Variants in CCSER1 observed in about 807,000 individuals in gnomAD.
CCSER1 encodes the protein serine-rich coiled-coil domain-containing protein 1.
In CCSER1, 41 loss-of-function variants were observed where a neutral mutation model predicts 82.0. That is an observed-to-expected ratio of 0.50 (90% CI 0.39 to 0.65). The LOEUF is 0.65. Ranked by LOEUF, CCSER1 falls within the 30% of genes least tolerant of loss-of-function variation. The pLI is 0.00. For missense variants in CCSER1, 1,119 were observed against 1,064.2 expected (o/e 1.05, Z -0.72); for synonymous variants, 414 against 383.9 (o/e 1.08, Z -0.92).
At chr4:90,466,892 T>C (rs533947943) in intron 4 of CCSER1, among the ~76,000 whole-genome samples, 2 of 152,304 alleles carry the variant, frequency 1.3e-5, no homozygotes, top group South Asian at 4.1e-4. Flanking sequence ...TTGTGCACTG[T>C]TTAAAAAAGT....
At chr4:91,110,113 T>C (rs1581574983) in intron 10 of CCSER1, among the ~76,000 whole-genome samples, 1 of 152,074 alleles carries the variant, frequency 6.6e-6, no homozygotes, top group Admixed American at 6.5e-5. Context: ...TGCCAAACCA[T>C]ATCATCAGTG....
intron 10 of CCSER1, among the ~76,000 whole-genome samples, chr4:91,218,533 C>G (rs1411181524): frequency 6.6e-6 from 1 of 152,206 alleles, no homozygotes; most frequent in African/African-American, 2.4e-5. Context: ...TGTCACCTCT[C>G]AGTATGACTA....
chr4:91,032,933 T>A (rs1741109366), intron 9 of CCSER1, among the ~76,000 whole-genome samples: 1 of 152,196 alleles, frequency 6.6e-6, no homozygotes, highest in East Asian at 1.9e-4. Flanking sequence ...AAGACTTCTT[T>A]GGTAGTTCCT....
In CCSER1 at chr4:90,628,150, A is replaced by G. The variant is rs1723672461; in HGVS notation, c.1850A>G (p.Asp617Gly). 6.2e-7 allele frequency: 1 copy of G among 1,613,746 alleles called. No individual in the cohort carries two copies. The highest frequency in any genetic ancestry group is 1.7e-5 in the Admixed American group (1 of 59,998). The change falls in exon 6 of 11, where the codon GAT (aspartate) becomes GGT (glycine). Residue 617 changes from aspartate (D) to glycine (G), a missense_variant. Physicochemically the swap from Asp to Gly is moderately conservative, Grantham distance 94. Transcript: ENST00000509176. ...LQGVEENGGI[D>G]SLPFRLMLQD... is the part of the protein sequence containing the mutation. ...GGTGTGGAAGAAAACGGAGGCATAG[A>G]TTCTCTGCCATTCAGACTGATGTTA...
intron 9 of CCSER1, among the ~76,000 whole-genome samples, chr4:90,978,549 G>A (rs1735815105): frequency 6.6e-6 from 1 of 151,464 alleles, no homozygotes; most frequent in African/African-American, 2.4e-5. Flanking sequence ...TTAGATTCAG[G>A]GAATGTGTTG....
chr4:91,242,464 C>T (rs1455098755), intron 10 of CCSER1, among the ~76,000 whole-genome samples: 1 of 152,162 alleles, frequency 6.6e-6, no homozygotes, highest in Non-Finnish European at 1.5e-5. Context: ...TAGTGTTCTG[C>T]ACAGACCTTA....
At chr4:91,470,826 G>A (rs550091257) in intron 10 of CCSER1, among the ~76,000 whole-genome samples, 152 of 152,232 alleles carry the variant, frequency 1.0e-3, no homozygotes, top group African/African-American at 3.6e-3. Flanking sequence ...ATAAGAACGT[G>A]TAATTCCCTC....
At chr4:90,533,104 T>G (rs1774811848) in intron 5 of CCSER1, among the ~76,000 whole-genome samples, 1 of 145,372 alleles carries the variant, frequency 6.9e-6, no homozygotes, top group Non-Finnish European at 1.5e-5. Context: ...TTTTTTTTTT[T>G]TTTTTGAGAC....
intron 10 of CCSER1, among the ~76,000 whole-genome samples, chr4:91,187,917 T>G (rs550450778): frequency 6.6e-6 from 1 of 152,186 alleles, no homozygotes; most frequent in Non-Finnish European, 1.5e-5. Flanking sequence ...AAGGAAAATT[T>G]TATGTAATAG....
At chr4:90,803,104 T>C (rs867617536) in intron 7 of CCSER1, among the ~76,000 whole-genome samples, 1 of 152,154 alleles carries the variant, frequency 6.6e-6, no homozygotes, top group African/African-American at 2.4e-5. Context: ...AAACTTGATG[T>C]GTTTGAGAAG....
intron 10 of CCSER1, among the ~76,000 whole-genome samples, chr4:91,362,766 C>A (rs756590683): frequency 1.6e-4 from 24 of 151,724 alleles, no homozygotes; most frequent in Middle Eastern, 3.2e-3. Context: ...TCTCTAAGAC[C>A]TAGCTCAAAT....
intron 6 of CCSER1, among the ~76,000 whole-genome samples, chr4:90,684,167 T>C (rs1274319806): frequency 6.6e-6 from 1 of 152,224 alleles, no homozygotes; most frequent in Non-Finnish European, 1.5e-5. Context: ...AATAACAGAT[T>C]GTGTCTATTT....
Position 90,815,919 on chromosome 4 carries a change from A to G in CCSER1, c.2094+74A>G, listed in dbSNP as rs138842502. ...TATTTGTTCCACGCCCTTATTTATTAACACCAATGGCATTAGTTATTTGTA... is the reference window on the plus strand; with the variant it reads ...TATTTGTTCCACGCCCTTATTTATTGACACCAATGGCATTAGTTATTTGTA... On this transcript the variant is annotated intron_variant, in intron 8 of 10. Coordinates refer to ENST00000509176, the MANE Select transcript of CCSER1 (RefSeq NM_001145065.2). 4.0e-4 allele frequency: 361 copies of G among 899,332 alleles called. 2 individuals are homozygous for G. The African/African-American group carries it at 5.3e-3, about 13-fold the overall frequency. The allele number at this position is 899,332 out of a possible 1,614,324, so 55.7% of individuals were successfully genotyped here.
intron 9 of CCSER1, among the ~76,000 whole-genome samples, chr4:91,074,481 T>C (rs900132587): frequency 1.6e-4 from 25 of 152,214 alleles, no homozygotes; most frequent in Admixed American, 1.4e-3. Flanking sequence ...ATAAATTATT[T>C]CAATTTTATA....
At chr4:90,314,355 T>C (rs1292470270) in intron 3 of CCSER1, among the ~76,000 whole-genome samples, 1 of 152,310 alleles carries the variant, frequency 6.6e-6, no homozygotes, top group Admixed American at 6.5e-5. Flanking sequence ...GGATTTCCAA[T>C]TGATGCACCA....
At chr4:90,585,302 T>A (rs1781874497) in intron 5 of CCSER1, among the ~76,000 whole-genome samples, 1 of 152,208 alleles carries the variant, frequency 6.6e-6, no homozygotes, top group Non-Finnish European at 1.5e-5. Context: ...CTTGGAAAAC[T>A]ATTGGAGTTC....
chr4:91,058,680 T>A lies in CCSER1; in HGVS notation c.2173-27270T>A, dbSNP rs551828641. ...CCACAGAAAGCACATTTTTATGTTA[T>A]CCTTTCTGGAACCCTCCTTGACTCA... On this transcript the variant is annotated intron_variant, in intron 9 of 10. Transcript: ENST00000509176. Among the ~76,000 whole-genome samples the A allele has an allele frequency of 3.2e-4, 48 of 152,232 alleles. 1 individual carries two copies. In the South Asian group the frequency reaches 9.5e-3, roughly 30 times the overall value.
chr4:90,441,467 C>T (rs574833736), intron 4 of CCSER1, among the ~76,000 whole-genome samples: 14 of 152,106 alleles, frequency 9.2e-5, no homozygotes, highest in African/African-American at 2.9e-4. Flanking sequence ...AGAACAATCT[C>T]TCTGGGGTCT....
intron 9 of CCSER1, among the ~76,000 whole-genome samples, chr4:90,978,725 A>G (rs1735833281): frequency 1.3e-5 from 2 of 151,694 alleles, no homozygotes; most frequent in Admixed American, 6.6e-5. Flanking sequence ...AGGTTAGATG[A>G]TGTTCCTTGG....
Sources: allele counts gnomAD v4.1 joint callset (sites outside exome capture counted in the v4.1 genomes callset), GRCh38; gene constraint gnomAD v4.1.1; transcripts MANE v1.5; gene names NCBI Gene and HGNC (gene_info 2026-07-23, HGNC 2026-07-21).